The following ASIC2 variants were observed in gnomAD, a reference collection of about 807,000 sequenced individuals.
ASIC2 encodes the protein acid-sensing ion channel 2.
A neutral mutation model predicts 57.3 loss-of-function variants in ASIC2; 25 were observed. The observed-to-expected ratio is 0.44, with a 90% CI of 0.32 to 0.61. The LOEUF is 0.61. ASIC2 is among the 20% of genes least tolerant of loss of function. The pLI is 0.06. For synonymous variants in ASIC2, 319 were observed against 307.5 expected (o/e 1.04, Z -0.39); for missense variants, 641 against 738.1 (o/e 0.87, Z 1.52).
Position 33,799,397 on chromosome 17 carries a change from T to TC in ASIC2, c.555+356580dup, listed in dbSNP as rs1491488878. Among the ~76,000 whole-genome samples, 73 of 58,346 alleles carry TC rather than the reference T, an allele frequency of 1.3e-3. 1 individual carries two copies. The highest frequency in any genetic ancestry group is 1.9e-3 in the Non-Finnish European group (46 of 23,848). The allele number at this position is 58,346 out of a possible 152,430, so 38.3% of individuals were successfully genotyped here. The stretch of plus-strand genomic sequence containing the variant: ...TTCTTCCTTTCTTTCTTTCTTTCTT[T>TC]CTTTCTTTTCTTTCTTTCTTTCTTT... On this transcript the variant is annotated intron_variant, in intron 1 of 9. Coordinates refer to the ASIC2 transcript ENST00000359872.
chr17:33,469,710 T>G (rs1166669097), intron 1 of ASIC2, among the ~76,000 whole-genome samples: 1 of 152,162 alleles, frequency 6.6e-6, no homozygotes, highest in Non-Finnish European at 1.5e-5. Context: ...ATACTTCCCT[T>G]CAGGGTTAGC....
chr17:33,309,843 A>C (rs758255748), intron 1 of ASIC2, among the ~76,000 whole-genome samples: 6 of 150,460 alleles, frequency 4.0e-5, no homozygotes, highest in Non-Finnish European at 8.8e-5. Context: ...AAATTTGAAC[A>C]CAGTGCTTGG....
chr17:33,940,536 C>T (rs1916165972), intron 1 of ASIC2, among the ~76,000 whole-genome samples: 1 of 152,006 alleles, frequency 6.6e-6, no homozygotes, highest in Non-Finnish European at 1.5e-5. Context: ...CCATCCCTTC[C>T]TTCCTTCCTT....
intron 1 of ASIC2, among the ~76,000 whole-genome samples, chr17:33,969,424 C>T (rs1338791853): frequency 1.3e-5 from 2 of 152,174 alleles, no homozygotes; most frequent in Admixed American, 1.3e-4. Flanking sequence ...GATATGGCTG[C>T]TTCTCTTGGG....
intron 1 of ASIC2, among the ~76,000 whole-genome samples, chr17:33,223,036 C>G (rs1907740581): frequency 6.6e-6 from 1 of 152,184 alleles, no homozygotes; most frequent in Non-Finnish European, 1.5e-5. Context: ...CAGATTCTCA[C>G]CAGAGAGCCA....
At chr17:33,043,072 G>A (rs1474701122) in intron 3 of ASIC2, among the ~76,000 whole-genome samples, 2 of 151,922 alleles carry the variant, frequency 1.3e-5, no homozygotes, top group Non-Finnish European at 2.9e-5. Flanking sequence ...GACTACAGGC[G>A]CCTGCCACCA....
chr17:33,616,508 A>G (rs1905609286), intron 1 of ASIC2, among the ~76,000 whole-genome samples: 1 of 152,232 alleles, frequency 6.6e-6, no homozygotes, highest in African/African-American at 2.4e-5. Context: ...CAAGTCACTT[A>G]AACCCTCTGT....
At chr17:33,628,141 C>T (rs994567599) in intron 1 of ASIC2, among the ~76,000 whole-genome samples, 1 of 152,196 alleles carries the variant, frequency 6.6e-6, no homozygotes, top group Admixed American at 6.5e-5. Context: ...AATGTCCTCC[C>T]ATTAGATCAG....
intron 2 of ASIC2, among the ~76,000 whole-genome samples, chr17:33,091,558 G>C (rs2092157744): frequency 6.6e-6 from 1 of 152,160 alleles, no homozygotes; most frequent in Non-Finnish European, 1.5e-5. Context: ...AAGGCTTCCT[G>C]TCAGAAATGC....
At chr17:33,764,992 T>C (rs1194513338) in intron 1 of ASIC2, among the ~76,000 whole-genome samples, 1 of 151,936 alleles carries the variant, frequency 6.6e-6, no homozygotes, top group Non-Finnish European at 1.5e-5. Flanking sequence ...GCCATCATCA[T>C]CCAGCACCCG....
chr17:34,006,789 A>C (rs1052604288), intron 1 of ASIC2: 7 of 152,176 alleles, frequency 4.6e-5, no homozygotes, highest in African/African-American at 1.7e-4. Context: ...ACTCCTGGGC[A>C]TAGGAACTAG....
chr17:34,045,026 G>C (rs1045775907), intron 1 of ASIC2, among the ~76,000 whole-genome samples: 1 of 152,176 alleles, frequency 6.6e-6, no homozygotes, highest in Non-Finnish European at 1.5e-5. Context: ...ATGATTCCTA[G>C]GTGTGGTGAG....
At chr17:33,721,012 G>T (rs950867490) in intron 1 of ASIC2, among the ~76,000 whole-genome samples, 1 of 152,142 alleles carries the variant, frequency 6.6e-6, no homozygotes, top group African/African-American at 2.4e-5. Flanking sequence ...AACTCTAAGT[G>T]CATTGTCCTG....
At chr17:33,402,687 T>C (rs1024042147) in intron 1 of ASIC2, among the ~76,000 whole-genome samples, 1 of 152,240 alleles carries the variant, frequency 6.6e-6, no homozygotes, top group African/African-American at 2.4e-5. Context: ...TAGTCTATCA[T>C]TGATGGGCTT....
intron 1 of ASIC2, among the ~76,000 whole-genome samples, chr17:33,278,883 C>T (rs1165478009): frequency 3.3e-5 from 5 of 152,008 alleles, no homozygotes; most frequent in Non-Finnish European, 7.3e-5. Flanking sequence ...CAGACATGGC[C>T]CTTGCCCTCA....
In ASIC2 at chr17:33,616,655, C is replaced by T. The variant is rs189687688; in HGVS notation, c.556-504588G>A. Among the ~76,000 whole-genome samples, 337 of 152,294 alleles carry T rather than the reference C, an allele frequency of 2.2e-3. 8 individuals carry two copies. In the East Asian group the frequency reaches 0.057, roughly 26 times the overall value. ...TGCCTGTTAATACCCAGTATCATCT[C>T]GCTTTTCTAAAAGAGATCTCCGAAA... is the stretch of plus-strand genomic sequence containing the variant. On this transcript the variant is annotated intron_variant, in intron 1 of 9. Coordinates refer to the ASIC2 transcript ENST00000359872.
intron 7 of ASIC2, among the ~76,000 whole-genome samples, 159 bp from the exon 8 acceptor site, chr17:33,017,843 A>T (rs1412801661): frequency 1.3e-5 from 2 of 152,174 alleles, no homozygotes; most frequent in Non-Finnish European, 2.9e-5. Context: ...TCCTTCCCTC[A>T]CGGCACAGCT....
chr17:33,414,048 C>T (rs1910752921), intron 1 of ASIC2, among the ~76,000 whole-genome samples: 1 of 152,172 alleles, frequency 6.6e-6, no homozygotes, highest in Non-Finnish European at 1.5e-5. Context: ...TTGCAGTAGC[C>T]CGAGAGTAGG....
chr17:33,126,856 C>CTTT (rs1159710708), intron 1 of ASIC2, among the ~76,000 whole-genome samples: 28,606 of 85,166 alleles, frequency 0.34, 5,894 homozygotes, highest in African/African-American at 0.38. Flanking sequence ...TACCATTACT[C>CTTT]TTTTTTTTTT....
Sources: allele counts gnomAD v4.1 joint callset (sites outside exome capture counted in the v4.1 genomes callset), GRCh38; gene constraint gnomAD v4.1.1; transcripts MANE v1.5; gene names NCBI Gene and HGNC (gene_info 2026-07-23, HGNC 2026-07-21).